The following IGF2BP3 variants were observed in gnomAD, a reference collection of about 807,000 sequenced individuals.
The protein encoded by IGF2BP3 is insulin like growth factor 2 mRNA binding protein 3, also known as insulin-like growth factor 2 mRNA-binding protein 3.
A neutral mutation model predicts 73.8 loss-of-function variants in IGF2BP3; 9 were observed. The ratio of observed to expected loss-of-function variants is 0.12; its 90% CI spans 0.07 to 0.21. The LOEUF is 0.21. Among genes scored for constraint, IGF2BP3 ranks in the 10% least tolerant of loss-of-function variants. The probability of loss-of-function intolerance (pLI) is 1.00; values close to 1 mark genes in which losing one functional copy is unlikely to be tolerated. For synonymous variants in IGF2BP3, 258 were observed against 256.7 expected, an observed-to-expected ratio of 1.01 and a Z score of -0.05; for missense variants, 542 against 714.0, an observed-to-expected ratio of 0.76 and a Z score of 2.75.
intron 2 of IGF2BP3, among the ~76,000 whole-genome samples, chr7:23,458,402 T>C (rs998587574): frequency 7.2e-5 from 11 of 151,952 alleles, no homozygotes; most frequent in Non-Finnish European, 5.9e-5. Flanking sequence ...CTCCTGTTCC[T>C]CAGCAGTATC....
chr7:23,331,099 G>C (rs1197054757), intron 10 of IGF2BP3, among the ~76,000 whole-genome samples: 1 of 152,080 alleles, frequency 6.6e-6, no homozygotes, highest in East Asian at 1.9e-4. Flanking sequence ...GCGCCCGGCT[G>C]CTTTATTTTT....
intron 10 of IGF2BP3, among the ~76,000 whole-genome samples, chr7:23,328,686 A>C (rs1257016638): frequency 1.3e-5 from 2 of 152,238 alleles, no homozygotes; most frequent in African/African-American, 4.8e-5. Flanking sequence ...GAATTTGTCT[A>C]GGAATTACCA....
intron 2 of IGF2BP3, 94 bp from the exon 3 acceptor site, chr7:23,418,918 A>G (rs772715140): frequency 1.2e-4 from 96 of 776,946 alleles, no homozygotes; most frequent in Non-Finnish European, 1.4e-4. Flanking sequence ...TTAAAATATT[A>G]ACTCTATATT....
intron 10 of IGF2BP3, among the ~76,000 whole-genome samples, chr7:23,320,054 G>A (rs1251515651): frequency 6.6e-6 from 1 of 151,582 alleles, no homozygotes; most frequent in African/African-American, 2.4e-5. Context: ...GAGATTACAG[G>A]CACTTGTCAC....
chr7:23,426,782 G>A (rs1787522939), intron 2 of IGF2BP3, among the ~76,000 whole-genome samples: 1 of 152,094 alleles, frequency 6.6e-6, no homozygotes, highest in South Asian at 2.1e-4. Context: ...TGTTACCTCT[G>A]ATATCTTTCT....
At chr7:23,453,516 C>T (rs1031382670) in intron 2 of IGF2BP3, among the ~76,000 whole-genome samples, 2 of 152,112 alleles carry the variant, frequency 1.3e-5, no homozygotes, top group Admixed American at 6.6e-5. Flanking sequence ...TCCTGCTTGG[C>T]GATTTGGATG....
chr7:23,458,418 T>G (rs78574505), intron 2 of IGF2BP3, among the ~76,000 whole-genome samples: 109 of 151,962 alleles, frequency 7.2e-4, no homozygotes, highest in African/African-American at 2.3e-3. Context: ...GTATCTCACA[T>G]TCAAGACATT....
chr7:23,407,946 CAG>C (rs1562733711), intron 3 of IGF2BP3, among the ~76,000 whole-genome samples: 2 of 23,422 alleles, frequency 8.5e-5, no homozygotes, highest in African/African-American at 4.3e-4. Flanking sequence ...TTGTGGGGGG[CAG>C]GGGGCGGGGG....
intron 13 of IGF2BP3, 22 bp downstream of exon 13, chr7:23,313,500 C>A (rs1783890524): frequency 1.2e-6 from 2 of 1,612,460 alleles, no homozygotes; most frequent in East Asian, 4.5e-5. Flanking sequence ...TACCACTGCA[C>A]AGGTTTTGCT....
At chr7:23,385,584 A>G (rs1196360247) in intron 3 of IGF2BP3, among the ~76,000 whole-genome samples, 1 of 152,164 alleles carries the variant, frequency 6.6e-6, no homozygotes, top group African/African-American at 2.4e-5. Context: ...ATGACAGGAT[A>G]AAAGAGTTTC....
At chr7:23,386,196 GT>G (rs1688773952) in intron 3 of IGF2BP3, among the ~76,000 whole-genome samples, 2 of 152,118 alleles carry the variant, frequency 1.3e-5, no homozygotes, top group South Asian at 4.1e-4. Context: ...ATTTCATAAA[GT>G]TTTTAAGATG....
intron 2 of IGF2BP3, among the ~76,000 whole-genome samples, chr7:23,456,843 C>T (rs115147169): frequency 0.01 from 1,575 of 151,964 alleles, 24 homozygotes; most frequent in African/African-American, 0.036. Flanking sequence ...AGGTCGAGAT[C>T]GAGACCATCC....
At chr7:23,436,598 T>C (rs1787813083) in intron 2 of IGF2BP3, among the ~76,000 whole-genome samples, 1 of 152,196 alleles carries the variant, frequency 6.6e-6, no homozygotes, top group African/African-American at 2.4e-5. Flanking sequence ...GAAGAAGGAA[T>C]TTTTAAGAGA....
intron 3 of IGF2BP3, among the ~76,000 whole-genome samples, chr7:23,366,204 C>G (rs1416471238): frequency 6.6e-6 from 1 of 151,594 alleles, no homozygotes; most frequent in Non-Finnish European, 1.5e-5. Context: ...ATGGTGCAAT[C>G]TTGGCTCACT....
chr7:23,461,836 A>G (rs1046165791), intron 2 of IGF2BP3, among the ~76,000 whole-genome samples: 4 of 152,198 alleles, frequency 2.6e-5, no homozygotes, highest in African/African-American at 4.8e-5. Context: ...ATGCCACTCT[A>G]CCAACTAAAG....
intron 2 of IGF2BP3, among the ~76,000 whole-genome samples, chr7:23,446,765 T>G (rs1182358777): frequency 3.9e-5 from 6 of 152,016 alleles, no homozygotes; most frequent in African/African-American, 1.2e-4. Flanking sequence ...AAATAGTAAC[T>G]TTACCCTGAA....
chr7:23,466,182 C>T (rs1007862071), intron 2 of IGF2BP3, among the ~76,000 whole-genome samples: 4 of 152,078 alleles, frequency 2.6e-5, no homozygotes, highest in Admixed American at 2.0e-4. Flanking sequence ...GCTACCATGC[C>T]CAGCTAATTT....
intron 10 of IGF2BP3, among the ~76,000 whole-genome samples, chr7:23,335,915 A>C (rs556680253): frequency 6.6e-6 from 1 of 152,300 alleles, no homozygotes; most frequent in South Asian, 2.1e-4. Flanking sequence ...CCAGTTAAGT[A>C]CTGTACGAGC....
intron 3 of IGF2BP3, among the ~76,000 whole-genome samples, chr7:23,385,695 T>C (rs1281689025): frequency 6.6e-6 from 1 of 152,084 alleles, no homozygotes; most frequent in East Asian, 1.9e-4. Flanking sequence ...TAAACCTCAT[T>C]TGGATTCCCC....
Sources: gnomAD v4.1 joint callset for allele counts (sites outside exome capture counted in the v4.1 genomes callset) on GRCh38, gnomAD v4.1.1 for gene constraint, MANE v1.5 for transcripts, NCBI Gene and HGNC (gene_info 2026-07-23, HGNC 2026-07-21) for gene names.